CDH4: variants seen among roughly 807,000 people sequenced by gnomAD.
The protein encoded by CDH4 is cadherin-4.
Under a neutral mutation model 86.0 loss-of-function variants are expected in CDH4, and 33 were observed. That is an observed-to-expected ratio of 0.38 (90% CI 0.29 to 0.51). CDH4 has a LOEUF of 0.51. CDH4 is among the 20% of genes least tolerant of loss of function. The probability of loss-of-function intolerance (pLI) is 0.86; values close to 1 mark genes in which losing one functional copy is unlikely to be tolerated. For missense variants in CDH4, 1,114 were observed against 1,307.4 expected, an observed-to-expected ratio of 0.85 and a Z score of 2.28; for synonymous variants, 555 against 549.4, an observed-to-expected ratio of 1.01 and a Z score of -0.14.
At chr20:61,912,677 C>T (rs768008195) in intron 9 of CDH4, among the ~76,000 whole-genome samples, 6 of 151,590 alleles carry the variant, frequency 4.0e-5, no homozygotes, top group African/African-American at 7.3e-5. Flanking sequence ...ATTTTTTCAC[C>T]GTAAAAGATA....
At chr20:61,744,758 A>G (rs2088393154) in intron 3 of CDH4, among the ~76,000 whole-genome samples, 1 of 152,208 alleles carries the variant, frequency 6.6e-6, no homozygotes. Flanking sequence ...TCATCCTGGC[A>G]TATTCCAGCA....
At chr20:61,594,037 G>A (rs530555265) in intron 2 of CDH4, among the ~76,000 whole-genome samples, 1 of 123,902 alleles carries the variant, frequency 8.1e-6, no homozygotes, top group South Asian at 3.2e-4. Context: ...GGGAGGGGGA[G>A]CTGAGCTGGC....
chr20:61,683,531 G>A (rs764764402), intron 2 of CDH4, among the ~76,000 whole-genome samples: 6 of 152,158 alleles, frequency 3.9e-5, no homozygotes, highest in Non-Finnish European at 5.9e-5. Context: ...ACGGGGTGCC[G>A]TGCTAGAAGA....
rs568234432 is a variant in CDH4 at position 61,416,955 on chromosome 20, T to A, written c.169+162018T>A. On this transcript the variant is annotated intron_variant, in intron 2 of 15. Coordinates refer to ENST00000614565, the MANE Select transcript of CDH4 (RefSeq NM_001794.5). ...TGTGCTCAGACACAGAGGCTGCACA[T>A]CTCGGGGGTTCTTCCAATTGCTGGT... Among the ~76,000 whole-genome samples the A allele has an allele frequency of 3.1e-4, 47 of 152,262 alleles. No homozygotes were observed. In the East Asian group the frequency reaches 8.5e-3, roughly 28 times the overall value.
rs1034542947 is a variant in CDH4, at chr20:61,480,596, G to A, written c.169+225659G>A. ...GGCCTGGTGGCTGGCTGCCTGCTAG[G>A]CTGACACAGGGGAAGGAGGTGTGGA... is the stretch of plus-strand genomic sequence containing the variant. On this transcript the variant is annotated intron_variant, in intron 2 of 15. Transcript: ENST00000614565. The surrounding 1 kb of genome is among the most constrained non-coding windows in gnomAD (Gnocchi z 5.2). 9.2e-5 allele frequency among the ~76,000 whole-genome samples: 14 copies of A among 152,236 alleles called. No individual in the cohort carries two copies. Among genetic ancestry groups the A allele is most frequent in the Non-Finnish European group, 1.5e-4 (10 of 68,038 alleles).
intron 2 of CDH4, among the ~76,000 whole-genome samples, chr20:61,366,110 G>T (rs990149860): frequency 2.6e-5 from 4 of 152,226 alleles, no homozygotes; most frequent in African/African-American, 9.6e-5. Flanking sequence ...GAGGGTAAGT[G>T]TCCTGTGGGA....
intron 2 of CDH4, among the ~76,000 whole-genome samples, chr20:61,741,708 G>A (rs926671390): frequency 1.6e-4 from 24 of 152,138 alleles, no homozygotes; most frequent in South Asian, 2.1e-4. Flanking sequence ...AGCCAGGATG[G>A]TCTCGATCCC....
At position 61,252,637 on chromosome 20, in the gene CDH4, C is replaced by A; in HGVS notation, c.57+67C>A. ...GCAGCGGGAGGTCGTCCCCGGATCC[C>A]GCGGGGCGCTCACACACCCGGCGGG... On this transcript the variant is annotated intron_variant, in intron 1 of 15. Coordinates refer to ENST00000614565, the MANE Select transcript of CDH4 (RefSeq NM_001794.5). The surrounding 1 kb of genome is among the most constrained non-coding windows in gnomAD (Gnocchi z 4.4). 1 of 999,518 alleles carries A rather than the reference C, an allele frequency of 1.0e-6. No individual in the cohort carries two copies. Among genetic ancestry groups the A allele is most frequent in the Non-Finnish European group, 1.3e-6 (1 of 787,826 alleles). The allele number at this position is 999,518 out of a possible 1,614,324, so 61.9% of individuals were successfully genotyped here.
At chr20:61,665,508 T>TC (rs1482956769) in intron 2 of CDH4, among the ~76,000 whole-genome samples, 1 of 152,206 alleles carries the variant, frequency 6.6e-6, no homozygotes, top group Non-Finnish European at 1.5e-5. Flanking sequence ...GTGCCTTCTT[T>TC]CCCTGGGTTC....
chr20:61,780,063 G>A (rs556780687), intron 4 of CDH4, among the ~76,000 whole-genome samples: 19 of 152,332 alleles, frequency 1.2e-4, no homozygotes, highest in Non-Finnish European at 2.1e-4. Context: ...TCCAAAGCAC[G>A]GATGTGGCTG....
chr20:61,664,484 G>A (rs1040921082), intron 2 of CDH4, among the ~76,000 whole-genome samples: 3 of 152,216 alleles, frequency 2.0e-5, no homozygotes, highest in East Asian at 1.9e-4. Context: ...GAAGATCTCC[G>A]AAAATGCAGC....
intron 2 of CDH4, among the ~76,000 whole-genome samples, chr20:61,382,351 CGA>C (rs2084907588): frequency 6.6e-6 from 1 of 152,134 alleles, no homozygotes; most frequent in African/African-American, 2.4e-5. Context: ...AAGAGCAGAG[CGA>C]GAGAGCCTTA....
chr20:61,318,479 T>C (rs2084490075), intron 2 of CDH4, among the ~76,000 whole-genome samples: 1 of 152,168 alleles, frequency 6.6e-6, no homozygotes, highest in African/African-American at 2.4e-5. Flanking sequence ...TCTCTTAGGA[T>C]TAACTGGGAC....
chr20:61,324,131 C>T (rs140609348), intron 2 of CDH4, among the ~76,000 whole-genome samples: 79 of 152,236 alleles, frequency 5.2e-4, no homozygotes, highest in African/African-American at 1.6e-3. Flanking sequence ...GGACCCAGAT[C>T]GTCCAAATGT....
chr20:61,628,741 GA>G (rs1174408676), intron 2 of CDH4, among the ~76,000 whole-genome samples: 1 of 152,214 alleles, frequency 6.6e-6, no homozygotes, highest in Non-Finnish European at 1.5e-5. Context: ...GTCACACAGA[GA>G]CTTGCAGCCA....
intron 2 of CDH4, among the ~76,000 whole-genome samples, chr20:61,381,066 T>G (rs971775038): frequency 4.6e-5 from 7 of 152,298 alleles, no homozygotes; most frequent in East Asian, 3.9e-4. Flanking sequence ...CAAGGGAAGG[T>G]TATCTGGTCA....
At chr20:61,279,040 C>T (rs2123158231) in intron 2 of CDH4, among the ~76,000 whole-genome samples, 1 of 152,322 alleles carries the variant, frequency 6.6e-6, no homozygotes, top group Non-Finnish European at 1.5e-5. Context: ...TGGCTCCCTT[C>T]TCTCTTATTC....
intron 2 of CDH4, among the ~76,000 whole-genome samples, chr20:61,705,525 C>T (rs1442103750): frequency 1.3e-5 from 2 of 152,242 alleles, no homozygotes; most frequent in African/African-American, 2.4e-5. Context: ...TCAGAGTCCT[C>T]GGCCCATGGC....
chr20:61,255,011 G>A, intron 2 of CDH4, 74 bp downstream of exon 2: 1 of 881,722 alleles, frequency 1.1e-6, no homozygotes, highest in South Asian at 1.3e-5. Context: ...AGATGGGAGA[G>A]GCAAGGCTTG....
Sources: gnomAD v4.1 joint callset for allele counts (sites outside exome capture counted in the v4.1 genomes callset) on GRCh38, gnomAD v4.1.1 for gene constraint, Gnocchi (gnomAD v3.1) non-coding constraint, MANE v1.5 for transcripts, NCBI Gene and HGNC (gene_info 2026-07-23, HGNC 2026-07-21) for gene names.